Variants in NAA15 observed in about 807,000 individuals in gnomAD.
The protein encoded by NAA15 is N-alpha-acetyltransferase 15, NatA auxiliary subunit, also known as N-terminal acetyltransferase.
NAA15 carries 34 observed loss-of-function variants against 114.0 expected under a neutral mutation model. The ratio of observed to expected loss-of-function variants is 0.30; its 90% CI spans 0.23 to 0.40. The LOEUF is 0.40. NAA15 is among the 10% of genes least tolerant of loss of function. The probability of loss-of-function intolerance (pLI) is 1.00; values close to 1 mark genes in which losing one functional copy is unlikely to be tolerated. For missense variants in NAA15, 658 were observed against 1,004.5 expected (o/e 0.66, Z 4.66); for synonymous variants, 340 against 338.0 (o/e 1.01, Z -0.06).
In NAA15 at chr4:139,370,265, A is replaced by G. The variant is rs1055136726; in HGVS notation, c.1808A>G (p.Gln603Arg). The G allele has an allele frequency of 6.3e-7, 1 of 1,582,838 alleles. No individual in the cohort carries two copies. Among genetic ancestry groups the G allele is most frequent in the Non-Finnish European group, 8.6e-7 (1 of 1,168,298 alleles). Residue 603 changes from glutamine to arginine, a missense_variant, in exon 15 of 20, where the codon CAA (glutamine) becomes CGA (arginine). Gln to Arg is a conservative substitution (Grantham distance 43). This residue lies in a region of NAA15 where 275 missense variants were observed against 371.1 expected (regional missense o/e 0.74). Coordinates refer to ENST00000296543, the MANE Select transcript of NAA15 (RefSeq NM_057175.5). Reference protein sequence around the residue: ...KKLRNKQRRAQKKAQIEEEKK... With the variant: ...KKLRNKQRRARKKAQIEEEKK... Reference sequence around the variant, plus strand: ...CTACGTAATAAACAAAGAAGAGCTCAAAAGAAAGCCCAGATAGAAGAAGAG... The same window carrying G: ...CTACGTAATAAACAAAGAAGAGCTCGAAAGAAAGCCCAGATAGAAGAAGAG...
intron 18 of NAA15, among the ~76,000 whole-genome samples, chr4:139,385,218 G>T (rs1290777611): frequency 7.0e-6 from 1 of 143,122 alleles, no homozygotes; most frequent in Non-Finnish European, 1.5e-5. Flanking sequence ...GGAATTTGAG[G>T]CCAGTCTGGG....
chr4:139,347,453 G>A (rs555087026), intron 6 of NAA15, among the ~76,000 whole-genome samples: 3 of 151,930 alleles, frequency 2.0e-5, no homozygotes, highest in African/African-American at 4.8e-5. Flanking sequence ...GCAACATAAG[G>A]AAACCCCATC....
At chr4:139,373,333 A>G (rs1579132732) in intron 15 of NAA15, among the ~76,000 whole-genome samples, 1 of 152,322 alleles carries the variant, frequency 6.6e-6, no homozygotes, top group South Asian at 2.1e-4. Flanking sequence ...ACTATAGGCA[A>G]TTGTGATACA....
intron 1 of NAA15, among the ~76,000 whole-genome samples, chr4:139,319,455 T>C (rs1746527453): frequency 6.6e-6 from 1 of 151,948 alleles, no homozygotes; most frequent in Admixed American, 6.6e-5. Flanking sequence ...ATTTATTTTT[T>C]GAGACAGGCA....
At chr4:139,363,148 T>TTAC (rs1748181471) in intron 14 of NAA15, among the ~76,000 whole-genome samples, 1 of 152,214 alleles carries the variant, frequency 6.6e-6, no homozygotes, top group Non-Finnish European at 1.5e-5. Flanking sequence ...GCTGGACAAT[T>TTAC]TACTGTTAAA....
Position 139,349,522 on chromosome 4 carries a change from A to G in NAA15, c.752A>G (p.Gln251Arg). Residue 251 changes from glutamine to arginine, a missense_variant, in exon 7 of 20, where the codon CAA becomes CGA. Gln to Arg is a conservative substitution (Grantham distance 43). Around this residue, in one of 6 missense-constraint regions of NAA15, gnomAD observed 281 missense variants for 389.1 expected, o/e 0.72. Transcript: ENST00000296543. ...EDAADVYRGL[Q>R]ERNPENWAYY... ...GCTGCAGATGTTTATAGAGGATTGC[A>G]AGAGAGAAATCCTGAAAACTGGGCC... 6.2e-7 allele frequency: 1 copy of G among 1,611,832 alleles called. No individual in the cohort carries two copies. The highest frequency in any genetic ancestry group is 8.5e-7 in the Non-Finnish European group (1 of 1,178,980).
In NAA15 at chr4:139,336,886, G is replaced by A; in HGVS notation, c.178G>A (p.Gly60Arg). ...GAAAGGATTAACATTGAACTGTTTGGGGAAAAAGGAAGAAGCTTATGAATT... is the reference window on the plus strand; with the variant it reads ...GAAAGGATTAACATTGAACTGTTTGAGGAAAAAGGAAGAAGCTTATGAATT... ...AMKGLTLNCL[G>R]KKEEAYELVR... Residue 60 changes from glycine to arginine, a missense_variant, in exon 3 of 20, where the codon GGG becomes AGG. Around this residue, in one of 6 missense-constraint regions of NAA15, gnomAD observed 75 missense variants for 172.3 expected, o/e 0.44. Transcript: ENST00000296543. The A allele has an allele frequency of 2.5e-6, 4 of 1,601,174 alleles. No homozygotes were observed. The highest frequency in any genetic ancestry group is 3.4e-6 in the Non-Finnish European group (4 of 1,173,466).
rs1344014095 is a variant in NAA15 at position 139,390,322 on chromosome 4, T to G, written c.*2238T>G. 1 of 152,684 alleles carries G rather than the reference T, an allele frequency of 6.5e-6. No homozygotes were observed. Among genetic ancestry groups the G allele is most frequent in the African/African-American group, 2.4e-5 (1 of 41,464 alleles). 9.5% of individuals were successfully genotyped at this position (152,684 alleles called of 1,614,324 possible). ...TCAGGTTTACTTGATAGTGGATACATTGGTGTCAGAGGACCTTGACTGGGT... is the reference window on the plus strand; with the variant it reads ...TCAGGTTTACTTGATAGTGGATACAGTGGTGTCAGAGGACCTTGACTGGGT... On this transcript the variant is annotated 3_prime_UTR_variant, in exon 20 of 20. Transcript: ENST00000296543.
chr4:139,358,363 T>G (rs922150038), intron 11 of NAA15, among the ~76,000 whole-genome samples: 3 of 151,842 alleles, frequency 2.0e-5, no homozygotes, highest in African/African-American at 7.3e-5. Context: ...ACCCAGCTAA[T>G]TTTTGTATTA....
At chr4:139,357,603 T>C in intron 11 of NAA15, 48 bp downstream of exon 11, 1 of 1,249,084 alleles carries the variant, frequency 8.0e-7, no homozygotes, top group Non-Finnish European at 1.1e-6. Context: ...AGACTTGTCA[T>C]GAACTTTTTC....
At chr4:139,312,785 G>T (rs917588383) in intron 1 of NAA15, among the ~76,000 whole-genome samples, 2 of 151,636 alleles carry the variant, frequency 1.3e-5, no homozygotes, top group African/African-American at 4.9e-5. Flanking sequence ...GTTCAAGACT[G>T]CAGTGAGCTA....
chr4:139,378,704 A>C (rs1012309667), intron 16 of NAA15, 52 bp from the exon 17 acceptor site: 1 of 1,148,394 alleles, frequency 8.7e-7, no homozygotes, highest in East Asian at 2.7e-5. Flanking sequence ...GGCCCTCCAA[A>C]GGAGGCCTCT....
chr4:139,326,891 G>A (rs1005248060), intron 1 of NAA15, among the ~76,000 whole-genome samples: 31 of 152,042 alleles, frequency 2.0e-4, no homozygotes, highest in Non-Finnish European at 1.5e-4. Flanking sequence ...AATTTTGGGT[G>A]TCCTTTTTGT....
At chr4:139,329,971 C>T (rs751418079) in intron 1 of NAA15, among the ~76,000 whole-genome samples, 3 of 152,112 alleles carry the variant, frequency 2.0e-5, no homozygotes, top group Non-Finnish European at 2.9e-5. Flanking sequence ...GTTTGTTTCC[C>T]GTTCTCATGG....
chr4:139,307,775 G>A (rs988659908), intron 1 of NAA15, among the ~76,000 whole-genome samples: 2 of 152,056 alleles, frequency 1.3e-5, no homozygotes, highest in South Asian at 4.1e-4. Context: ...TGAGATTAAG[G>A]TCAACAGCTA....
intron 1 of NAA15, among the ~76,000 whole-genome samples, chr4:139,330,163 A>G (rs1189275548): frequency 6.6e-6 from 1 of 152,244 alleles, no homozygotes; most frequent in Non-Finnish European, 1.5e-5. Flanking sequence ...GGTTTTATGA[A>G]CAGTGACACT....
chr4:139,336,192 AAGTT>A (rs1258216277), intron 2 of NAA15, among the ~76,000 whole-genome samples: 5 of 152,218 alleles, frequency 3.3e-5, no homozygotes, highest in Non-Finnish European at 7.3e-5. Flanking sequence ...ATAAATTAAA[AAGTT>A]AGGCAAATAA....
chr4:139,343,820 T>C (rs1171411315), intron 5 of NAA15, among the ~76,000 whole-genome samples: 4 of 152,188 alleles, frequency 2.6e-5, no homozygotes, highest in Non-Finnish European at 4.4e-5. Flanking sequence ...AGTTTTAGCA[T>C]TCATTGATTA....
intron 5 of NAA15, 124 bp from the exon 6 acceptor site, chr4:139,344,062 T>A (rs184930304): frequency 1.1e-4 from 80 of 748,292 alleles, no homozygotes; most frequent in Admixed American, 7.7e-4. Flanking sequence ...AAGAATTTTT[T>A]AAAAATTAGT....
Sources: allele counts gnomAD v4.1 joint callset (sites outside exome capture counted in the v4.1 genomes callset), GRCh38; gene constraint gnomAD v4.1.1; regional missense constraint gnomAD v4.1.1; transcripts MANE v1.5; gene names NCBI Gene and HGNC (gene_info 2026-07-23, HGNC 2026-07-21).